KAZN: variants seen among roughly 807,000 people sequenced by gnomAD.
KAZN encodes kazrin.
A neutral mutation model predicts 87.4 loss-of-function variants in KAZN; 40 were observed. That is an observed-to-expected ratio of 0.46 (90% CI 0.36 to 0.60). KAZN has a LOEUF of 0.60. KAZN is among the 20% of genes least tolerant of loss of function. KAZN has a pLI of 0.00. For missense variants in KAZN, 898 were observed against 1,073.9 expected (o/e 0.84, Z 2.29); for synonymous variants, 466 against 458.3 (o/e 1.02, Z -0.22).
intron 1 of KAZN, among the ~76,000 whole-genome samples, chr1:14,883,355 A>AGAGAGAGAGAGAGAGAGAG (rs1553150619): frequency 4.9e-5 from 1 of 20,600 alleles, no homozygotes; most frequent in Non-Finnish European, 9.5e-5. Flanking sequence ...AGAAAGAAAG[A>AGAGAGAGAGAGAGAGAGAG]AAAGAAAGAA....
chr1:14,870,272 T>C (rs188761239), intron 1 of KAZN, among the ~76,000 whole-genome samples: 1 of 152,348 alleles, frequency 6.6e-6, no homozygotes, highest in East Asian at 1.9e-4. Flanking sequence ...CCAGCTCTGC[T>C]CCTCACTTGC....
At chr1:13,961,178 G>A (rs929112533) in intron 1 of KAZN, among the ~76,000 whole-genome samples, 3 of 152,064 alleles carry the variant, frequency 2.0e-5, no homozygotes, top group Non-Finnish European at 4.4e-5. Context: ...TCATTCCTGG[G>A]GTTCGCGTGT....
chr1:15,038,142 T>C (rs11582156), intron 3 of KAZN, among the ~76,000 whole-genome samples: 22,483 of 152,012 alleles, frequency 0.15, 1,865 homozygotes, highest in Admixed American at 0.21. Flanking sequence ...TAGTCCCAGC[T>C]ACTTGGGAGG....
At chr1:14,254,424 TC>T (rs1311998058) in intron 2 of KAZN, among the ~76,000 whole-genome samples, 1 of 152,198 alleles carries the variant, frequency 6.6e-6, no homozygotes, top group Non-Finnish European at 1.5e-5. Flanking sequence ...ACTCGACCAT[TC>T]CTTTTGTTGG....
chr1:14,881,258 C>G (rs189787376), intron 1 of KAZN, among the ~76,000 whole-genome samples: 1 of 152,342 alleles, frequency 6.6e-6, no homozygotes, highest in African/African-American at 2.4e-5. Context: ...ACCAGAAAAT[C>G]CAGCAGGGTG....
At chr1:14,232,890 A>C (rs937744931) in intron 2 of KAZN, among the ~76,000 whole-genome samples, 4 of 152,238 alleles carry the variant, frequency 2.6e-5, no homozygotes, top group Non-Finnish European at 5.9e-5. Context: ...ATCACATGAA[A>C]ATGTGGCCAC....
intron 2 of KAZN, among the ~76,000 whole-genome samples, chr1:14,491,570 G>A (rs573939001): frequency 2.6e-5 from 4 of 152,302 alleles, no homozygotes; most frequent in South Asian, 2.1e-4. Context: ...AATACCTTCT[G>A]TATTCACCAT....
chr1:14,806,077 A>ATGTGAGGGCATGGCCTTTGATGGCTT (rs1438062982), intron 1 of KAZN, among the ~76,000 whole-genome samples: 10 of 152,184 alleles, frequency 6.6e-5, no homozygotes, highest in Non-Finnish European at 1.0e-4. Flanking sequence ...TATAACATAA[A>ATGTGAGGGCATGGCCTTTGATGGCTT]TGTGAGGGCA....
chr1:15,100,792 T>C (rs1467109870), intron 10 of KAZN, among the ~76,000 whole-genome samples: 1 of 152,226 alleles, frequency 6.6e-6, no homozygotes, highest in Non-Finnish European at 1.5e-5. Flanking sequence ...GAGCATCCCA[T>C]CTGCAGAGCG....
intron 1 of KAZN, among the ~76,000 whole-genome samples, chr1:13,932,601 A>G (rs866004582): frequency 1.3e-5 from 2 of 152,214 alleles, no homozygotes; most frequent in Non-Finnish European, 2.9e-5. Context: ...TAACATCACC[A>G]TGAGATAGGC....
intron 2 of KAZN, among the ~76,000 whole-genome samples, chr1:14,470,517 T>G (rs1001741411): frequency 6.6e-6 from 1 of 152,186 alleles, no homozygotes; most frequent in Non-Finnish European, 1.5e-5. Context: ...TGGGACAAAA[T>G]GTTGCACTAA....
intron 1 of KAZN, among the ~76,000 whole-genome samples, chr1:14,805,169 G>C (rs757762096): frequency 2.6e-5 from 4 of 152,152 alleles, no homozygotes; most frequent in Non-Finnish European, 4.4e-5. Context: ...CAAGCTACAA[G>C]GGTGTTTTTC....
intron 2 of KAZN, among the ~76,000 whole-genome samples, chr1:15,028,577 C>G (rs1331744979): frequency 1.3e-5 from 2 of 151,396 alleles, no homozygotes; most frequent in Non-Finnish European, 2.9e-5. Flanking sequence ...TCTTGGGGGC[C>G]CATCGCACCA....
chr1:14,335,056 C>T (rs1238361336), intron 2 of KAZN, among the ~76,000 whole-genome samples: 1 of 151,850 alleles, frequency 6.6e-6, no homozygotes, highest in Non-Finnish European at 1.5e-5. Flanking sequence ...GGAGGTGGGG[C>T]CTAAGAAGTG....
At chr1:14,821,555 C>T (rs1292568155) in intron 1 of KAZN, among the ~76,000 whole-genome samples, 1 of 151,260 alleles carries the variant, frequency 6.6e-6, no homozygotes, top group Non-Finnish European at 1.5e-5. Flanking sequence ...AATGAGGTAA[C>T]TAGGGTGGGC....
intron 1 of KAZN, among the ~76,000 whole-genome samples, chr1:14,863,582 T>C (rs1651112593): frequency 6.6e-6 from 1 of 152,132 alleles, no homozygotes; most frequent in African/African-American, 2.4e-5. Flanking sequence ...CAGAGAGGAA[T>C]TGGATTCAAT....
At chr1:15,062,065 T>A (rs1366766176) in intron 6 of KAZN, 1 of 152,174 alleles carries the variant, frequency 6.6e-6, no homozygotes, top group Non-Finnish European at 1.5e-5. Context: ...ACGGCCATAT[T>A]TTGTCTTCTC....
At chr1:14,867,174 T>A (rs1223670948) in intron 1 of KAZN, among the ~76,000 whole-genome samples, 1 of 152,210 alleles carries the variant, frequency 6.6e-6, no homozygotes, top group Non-Finnish European at 1.5e-5. Flanking sequence ...GCAGCCACGT[T>A]CAGGGCCCTG....
Position 14,930,109 on chromosome 1 carries a change from G to A in KAZN, c.227-30575G>A, listed in dbSNP as rs182135592. On this transcript the variant is annotated intron_variant, in intron 1 of 14. Coordinates refer to ENST00000376030, the MANE Select transcript of KAZN (RefSeq NM_201628.3). ...TGACACTGAGTCTGGCCTAAGCAGCGGGGAGCTGGTGGGCTCTGGGTGGGG... is the reference window on the plus strand; with the variant it reads ...TGACACTGAGTCTGGCCTAAGCAGCAGGGAGCTGGTGGGCTCTGGGTGGGG... 2.1e-4 allele frequency: 210 copies of A among 983,970 alleles called. 1 individual carries two copies. In the African/African-American group the frequency reaches 3.3e-3, roughly 15 times the overall value. 61.0% of individuals were successfully genotyped at this position (983,970 alleles called of 1,614,324 possible).
Sources: allele counts gnomAD v4.1 joint callset (sites outside exome capture counted in the v4.1 genomes callset), GRCh38; gene constraint gnomAD v4.1.1; transcripts MANE v1.5; gene names NCBI Gene and HGNC (gene_info 2026-07-23, HGNC 2026-07-21).